Variants in APBB2 observed in about 807,000 individuals in gnomAD.
The protein encoded by APBB2 is amyloid beta precursor protein binding family B member 2.
A neutral mutation model predicts 82.5 loss-of-function variants in APBB2; 38 were observed. The ratio of observed to expected loss-of-function variants is 0.46; its 90% CI spans 0.36 to 0.60. APBB2 has a LOEUF of 0.60. APBB2 is among the 20% of genes least tolerant of loss of function. The pLI, the probability that APBB2 is intolerant of heterozygous loss-of-function variation, is 0.00. For missense variants in APBB2, 772 were observed against 972.3 expected (o/e 0.79, Z 2.74); for synonymous variants, 341 against 368.2 (o/e 0.93, Z 0.85).
intron 4 of APBB2, among the ~76,000 whole-genome samples, chr4:41,064,128 G>GC (rs1409773135): frequency 6.6e-6 from 1 of 151,746 alleles, no homozygotes; most frequent in Non-Finnish European, 1.5e-5. Flanking sequence ...ACAGGCACCC[G>GC]CCCCCACACC....
chr4:41,102,376 G>C (rs955710107), intron 2 of APBB2, among the ~76,000 whole-genome samples: 1 of 152,154 alleles, frequency 6.6e-6, no homozygotes, highest in African/African-American at 2.4e-5. Context: ...CTCTACTTCA[G>C]ATAGGGACAA....
At chr4:40,906,875 G>A (rs1436452852) in intron 10 of APBB2, among the ~76,000 whole-genome samples, 1 of 152,148 alleles carries the variant, frequency 6.6e-6, no homozygotes, top group Non-Finnish European at 1.5e-5. Context: ...GTGGCAGAAA[G>A]GAGTGTCCCA....
chr4:40,939,307 A>T (rs1021337983), intron 7 of APBB2, among the ~76,000 whole-genome samples: 2 of 152,168 alleles, frequency 1.3e-5, no homozygotes, highest in African/African-American at 4.8e-5. Flanking sequence ...AACAGGACTA[A>T]GAAGGCCTCC....
chr4:40,989,959 A>G (rs753899748), intron 6 of APBB2, among the ~76,000 whole-genome samples: 1 of 152,246 alleles, frequency 6.6e-6, no homozygotes, highest in Non-Finnish European at 1.5e-5. Flanking sequence ...TAAAGAGTAC[A>G]TATAAAACGC....
At chr4:40,894,149 G>A (rs550739954) in intron 10 of APBB2, among the ~76,000 whole-genome samples, 47 of 151,848 alleles carry the variant, frequency 3.1e-4, no homozygotes, top group African/African-American at 1.1e-3. Context: ...TTAGCCAGGC[G>A]TGGTGGTGGG....
chr4:41,176,097 A>G (rs1769701538), intron 1 of APBB2, among the ~76,000 whole-genome samples: 1 of 152,174 alleles, frequency 6.6e-6, no homozygotes, highest in Admixed American at 6.5e-5. Flanking sequence ...ATATTCCCAG[A>G]TAAGAGGGTC....
chr4:40,822,758 T>C (rs1577686458), intron 16 of APBB2, among the ~76,000 whole-genome samples: 2 of 152,226 alleles, frequency 1.3e-5, no homozygotes, highest in African/African-American at 2.4e-5. Flanking sequence ...ATATTCACTC[T>C]AGTGCCTTGG....
intron 7 of APBB2, among the ~76,000 whole-genome samples, chr4:40,942,238 T>TTTCTGAGA (rs1277460204): frequency 1.3e-5 from 2 of 152,264 alleles, no homozygotes; most frequent in Non-Finnish European, 2.9e-5. Context: ...ACTTTTGCCC[T>TTTCTGAGA]GTTGCTTTCT....
chr4:41,022,902 G>T (rs1712256754), intron 5 of APBB2, among the ~76,000 whole-genome samples: 2 of 152,080 alleles, frequency 1.3e-5, no homozygotes, highest in Admixed American at 1.3e-4. Flanking sequence ...TGAAAAAAAG[G>T]AAAGGATATC....
chr4:41,012,074 T>C (rs1808527537), intron 6 of APBB2, among the ~76,000 whole-genome samples: 1 of 151,304 alleles, frequency 6.6e-6, no homozygotes, highest in Non-Finnish European at 1.5e-5. Context: ...TTACTGGTCT[T>C]GAACTTGTGG....
chr4:41,065,173 T>C (rs915997951), intron 4 of APBB2, among the ~76,000 whole-genome samples: 13 of 151,752 alleles, frequency 8.6e-5, no homozygotes, highest in East Asian at 1.9e-4. Flanking sequence ...GTAGTCCCAA[T>C]TGCACCGTAA....
chr4:41,093,109 T>C (rs1261491531), intron 3 of APBB2, among the ~76,000 whole-genome samples: 1 of 152,222 alleles, frequency 6.6e-6, no homozygotes, highest in Non-Finnish European at 1.5e-5. Context: ...TCAGTTGTGC[T>C]GCTCTCCTGG....
chr4:41,119,394 G>T (rs1449344430), intron 2 of APBB2, among the ~76,000 whole-genome samples: 2 of 151,548 alleles, frequency 1.3e-5, no homozygotes, highest in Non-Finnish European at 2.9e-5. Flanking sequence ...ACACTAACAT[G>T]TTTCGGGCTC....
At chr4:40,889,097 A>G (rs1422921842) in intron 12 of APBB2, among the ~76,000 whole-genome samples, 1 of 152,248 alleles carries the variant, frequency 6.6e-6, no homozygotes, top group Non-Finnish European at 1.5e-5. Context: ...CCCCCAAAGC[A>G]TCTGGCCCAG....
intron 6 of APBB2, among the ~76,000 whole-genome samples, chr4:41,001,127 C>T (rs1038643728): frequency 6.6e-6 from 1 of 152,214 alleles, no homozygotes. Flanking sequence ...TCCTTTGGTA[C>T]ACTTCCCATC....
intron 10 of APBB2, among the ~76,000 whole-genome samples, chr4:40,913,960 G>A (rs1315537624): frequency 1.3e-5 from 2 of 152,186 alleles, no homozygotes; most frequent in Admixed American, 6.5e-5. Flanking sequence ...AGGGGGCTGG[G>A]TGTGGTGGCT....
chr4:40,981,159 C>T (rs1163530543), intron 6 of APBB2, among the ~76,000 whole-genome samples: 1 of 152,146 alleles, frequency 6.6e-6, no homozygotes, highest in Admixed American at 6.5e-5. Flanking sequence ...TCAGAATTAG[C>T]TTTGGGAGGC....
intron 6 of APBB2, among the ~76,000 whole-genome samples, chr4:40,968,238 T>C (rs1231707813): frequency 6.6e-6 from 1 of 152,178 alleles, no homozygotes; most frequent in African/African-American, 2.4e-5. Context: ...AGCCAGGCAG[T>C]CATATACCAG....
intron 10 of APBB2, among the ~76,000 whole-genome samples, chr4:40,925,523 G>A (rs567583617): frequency 4.5e-4 from 68 of 152,260 alleles, no homozygotes; most frequent in African/African-American, 1.6e-3. Flanking sequence ...AAGTATGTAT[G>A]CTCCTTTCGC....
Sources: gnomAD v4.1 joint callset for allele counts (sites outside exome capture counted in the v4.1 genomes callset) on GRCh38, gnomAD v4.1.1 for gene constraint, MANE v1.5 for transcripts, NCBI Gene and HGNC (gene_info 2026-07-23, HGNC 2026-07-21) for gene names.